Variants in CSMD1 observed in about 807,000 individuals in gnomAD.
CSMD1 encodes the protein CUB and sushi domain-containing protein 1.
Under a neutral mutation model 417.5 loss-of-function variants are expected in CSMD1, and 213 were observed. The ratio of observed to expected loss-of-function variants is 0.51; its 90% CI spans 0.46 to 0.57. The LOEUF (loss-of-function observed/expected upper bound fraction) is 0.57. Among genes scored for constraint, CSMD1 ranks in the 20% least tolerant of loss-of-function variants. The pLI is 0.00. For missense variants in CSMD1, 6,923 were observed against 4,529.7 expected (o/e 1.53, Z -15.17); for synonymous variants, 2,862 against 1,736.8 (o/e 1.65, Z -16.11).
Position 4,465,824 on chromosome 8 carries a change from C to T in CSMD1, c.303-45759G>A, listed in dbSNP as rs114413472. On this transcript the variant is annotated intron_variant, in intron 2 of 69. Coordinates refer to ENST00000635120, the MANE Select transcript of CSMD1 (RefSeq NM_033225.6). The stretch of plus-strand genomic sequence containing the variant: ...TTTACTGCCAACCCACCCCACATTC[C>T]TGAAGTATCTCAAGCCACACATTCT... Among the ~76,000 whole-genome samples, 264 of 152,238 alleles carry T rather than the reference C, an allele frequency of 1.7e-3. 2 individuals are homozygous for T. Among genetic ancestry groups the T allele is most frequent in the African/African-American group, 6.1e-3 (255 of 41,540 alleles).
chr8:4,143,362 G>T (rs557368586), intron 3 of CSMD1, among the ~76,000 whole-genome samples: 1 of 106,570 alleles, frequency 9.4e-6, no homozygotes, highest in South Asian at 3.7e-4. Context: ...ATATAATGAC[G>T]TCTTATCCCT....
At chr8:4,449,332 T>C (rs748441640) in intron 2 of CSMD1, among the ~76,000 whole-genome samples, 8 of 152,212 alleles carry the variant, frequency 5.3e-5, no homozygotes, top group Non-Finnish European at 1.0e-4. Flanking sequence ...TCTGTCTTCA[T>C]TGGTTTTAAG....
intron 1 of CSMD1, among the ~76,000 whole-genome samples, chr8:4,812,837 G>A (rs953886045): frequency 6.6e-6 from 1 of 152,084 alleles, no homozygotes; most frequent in Non-Finnish European, 1.5e-5. Context: ...TTTTCATAGG[G>A]AATCTATTGT....
chr8:3,778,383 G>T (rs139312276), intron 5 of CSMD1, among the ~76,000 whole-genome samples: 1 of 152,170 alleles, frequency 6.6e-6, no homozygotes. Flanking sequence ...AAGAAGACCG[G>T]GGGCAGAAAC....
At chr8:4,204,799 C>T (rs954027955) in intron 3 of CSMD1, among the ~76,000 whole-genome samples, 17 of 151,716 alleles carry the variant, frequency 1.1e-4, no homozygotes, top group Non-Finnish European at 1.2e-4. Context: ...AGACCACAGG[C>T]ACAGGTCAGC....
intron 5 of CSMD1, among the ~76,000 whole-genome samples, chr8:3,923,591 T>C (rs1457686794): frequency 6.6e-6 from 1 of 152,162 alleles, no homozygotes; most frequent in Non-Finnish European, 1.5e-5. Flanking sequence ...AACATACTCA[T>C]CACCTCATAT....
chr8:4,546,667 G>A (rs1376663001), intron 2 of CSMD1, among the ~76,000 whole-genome samples: 1 of 152,000 alleles, frequency 6.6e-6, no homozygotes, highest in Non-Finnish European at 1.5e-5. Flanking sequence ...GGCTTTCCTG[G>A]ATCTCCAGCC....
chr8:4,749,212 A>G (rs1255510589), intron 1 of CSMD1, among the ~76,000 whole-genome samples: 1 of 152,240 alleles, frequency 6.6e-6, no homozygotes, highest in Non-Finnish European at 1.5e-5. Flanking sequence ...ACAAATCTGA[A>G]AACTTTTTCA....
intron 40 of CSMD1, among the ~76,000 whole-genome samples, chr8:3,146,566 C>G (rs1425845120): frequency 6.6e-6 from 1 of 152,144 alleles, no homozygotes; most frequent in African/African-American, 2.4e-5. Flanking sequence ...TTCTACTCAG[C>G]TAAACTCAGA....
chr8:4,056,533 T>TTTATTATTATCA (rs145838081), intron 3 of CSMD1, among the ~76,000 whole-genome samples: 5,536 of 151,520 alleles, frequency 0.037, 313 homozygotes, highest in African/African-American at 0.12. Flanking sequence ...TAATTTCAAT[T>TTTATTATTATCA]TTATTATTAT....
chr8:3,735,538 G>C (rs577595248), intron 6 of CSMD1, among the ~76,000 whole-genome samples: 110 of 152,300 alleles, frequency 7.2e-4, no homozygotes, highest in African/African-American at 2.6e-3. Flanking sequence ...ACAGTAAAAA[G>C]CAAATTCTGC....
intron 21 of CSMD1, among the ~76,000 whole-genome samples, chr8:3,354,603 C>A (rs190905490): frequency 6.6e-6 from 1 of 151,966 alleles, no homozygotes; most frequent in African/African-American, 2.4e-5. Context: ...AAGAATTTCA[C>A]AAAATGGTAC....
chr8:4,680,641 A>C (rs371057006), intron 1 of CSMD1, among the ~76,000 whole-genome samples: 1 of 152,062 alleles, frequency 6.6e-6, no homozygotes, highest in Non-Finnish European at 1.5e-5. Context: ...GTGCAGTGGC[A>C]TGATCTTGGC....
intron 55 of CSMD1, among the ~76,000 whole-genome samples, 200 bp from the exon 56 acceptor site, chr8:2,974,824 G>T (rs1804784302): frequency 6.6e-6 from 1 of 152,112 alleles, no homozygotes; most frequent in South Asian, 2.1e-4. Flanking sequence ...AAAAGGAAAG[G>T]TCCCGTTTAT....
At chr8:3,099,928 A>G (rs1435045499) in intron 46 of CSMD1, among the ~76,000 whole-genome samples, 1 of 152,222 alleles carries the variant, frequency 6.6e-6, no homozygotes, top group East Asian at 1.9e-4. Flanking sequence ...TTTCATTTGT[A>G]TCATTTATCA....
At position 3,616,816 on chromosome 8, in the gene CSMD1, T is replaced by C. The variant is rs769852520; in HGVS notation, c.1010-19A>G. 10 of 1,566,932 alleles carry C rather than the reference T, an allele frequency of 6.4e-6. No homozygotes were observed. The highest frequency in any genetic ancestry group is 1.7e-4 in the Middle Eastern group (1 of 5,970). On this transcript the variant is annotated intron_variant, in intron 7 of 69. Transcript: ENST00000635120. ...TGGCTCACTGTAATAGACAGAAACATTGTCAAAATGCTGTATAGTTATTGA... is the reference window on the plus strand; with the variant it reads ...TGGCTCACTGTAATAGACAGAAACACTGTCAAAATGCTGTATAGTTATTGA...
In CSMD1 at chr8:3,053,448, C is replaced by A. The variant is rs548287660; in HGVS notation, c.7475-801G>T. 9.2e-5 allele frequency among the ~76,000 whole-genome samples: 14 copies of A among 152,172 alleles called. No individual in the cohort carries two copies. In the South Asian group the frequency reaches 2.5e-3, roughly 27 times the overall value. On this transcript the variant is annotated intron_variant, in intron 49 of 69. Coordinates refer to ENST00000635120, the MANE Select transcript of CSMD1 (RefSeq NM_033225.6). ...GTCTTCCCTTTTTATTGTTCCTCTC[C>A]CCTTCCCCAATTCATTTTCCCTAAA...
chr8:2,985,227 A>C (rs1436760609), intron 54 of CSMD1, among the ~76,000 whole-genome samples: 6 of 152,234 alleles, frequency 3.9e-5, no homozygotes, highest in Non-Finnish European at 7.3e-5. Context: ...TTTGTTTTCA[A>C]AAAGAATCCT....
intron 49 of CSMD1, among the ~76,000 whole-genome samples, chr8:3,060,832 T>C (rs1812545994): frequency 6.6e-6 from 1 of 152,178 alleles, no homozygotes; most frequent in Non-Finnish European, 1.5e-5. Context: ...AAAAGGGCTT[T>C]ATGGAGCAGA....
Sources: allele counts gnomAD v4.1 joint callset (sites outside exome capture counted in the v4.1 genomes callset), GRCh38; gene constraint gnomAD v4.1.1; transcripts MANE v1.5; gene names NCBI Gene and HGNC (gene_info 2026-07-23, HGNC 2026-07-21).